Variants in ARHGEF7 observed in about 807,000 individuals in gnomAD.
ARHGEF7 encodes PAK-interacting exchange factor beta.
A neutral mutation model predicts 109.8 loss-of-function variants in ARHGEF7; 33 were observed. The ratio of observed to expected loss-of-function variants is 0.30; its 90% confidence interval spans 0.23 to 0.40. The LOEUF (loss-of-function observed/expected upper bound fraction) is 0.40. Ranked by LOEUF, ARHGEF7 falls within the 10% of genes least tolerant of loss-of-function variation. The probability of loss-of-function intolerance (pLI) is 1.00; values close to 1 mark genes in which losing one functional copy is unlikely to be tolerated. For synonymous variants in ARHGEF7, 458 were observed against 424.6 expected (o/e 1.08, Z -0.97); for missense variants, 938 against 1,098.5 (o/e 0.85, Z 2.07).
intron 2 of ARHGEF7, among the ~76,000 whole-genome samples, chr13:111,173,586 T>G (rs891197778): frequency 1.4e-4 from 21 of 152,226 alleles, no homozygotes; most frequent in African/African-American, 5.1e-4. Context: ...ATTGGAAGCC[T>G]GTGAAATTTC....
Position 111,136,162 on chromosome 13 carries a change from G to A in ARHGEF7, c.166-17743G>A, listed in dbSNP as rs568335042. On this transcript the variant is annotated intron_variant, in intron 1 of 21. Coordinates refer to ENST00000646102, the MANE Select transcript of ARHGEF7 (RefSeq NM_001354046.2). ...GGATGAAGCCCACTTGATCATGGTG[G>A]ATAAGCTTTTTGATGTGCTCCTGGA... 2.0e-5 allele frequency among the ~76,000 whole-genome samples: 3 copies of A among 152,248 alleles called. No individual in the cohort carries two copies. The South Asian group carries it at 6.2e-4, about 32-fold the overall frequency.
intron 2 of ARHGEF7, chr13:111,186,908 G>A (rs2079319428): frequency 2.0e-6 from 2 of 985,430 alleles, no homozygotes; most frequent in Admixed American, 6.1e-5. Context: ...CCCATTTCCC[G>A]GTCTGGTCTT....
At chr13:111,265,124 C>CAAAAAAAAAAA (rs976877106) in intron 8 of ARHGEF7, among the ~76,000 whole-genome samples, 2 of 69,464 alleles carry the variant, frequency 2.9e-5, no homozygotes, top group Admixed American at 1.7e-4. Flanking sequence ...AACTCCATCT[C>CAAAAAAAAAAA]AAAAAAAAAA....
intron 5 of ARHGEF7, among the ~76,000 whole-genome samples, chr13:111,224,207 C>G (rs928940356): frequency 7.2e-6 from 1 of 139,466 alleles, no homozygotes; most frequent in Non-Finnish European, 1.6e-5. Context: ...ACCCACCCAC[C>G]CACCCTCACT....
intron 5 of ARHGEF7, among the ~76,000 whole-genome samples, chr13:111,229,938 A>AT (rs1424272228): frequency 6.6e-6 from 1 of 152,034 alleles, no homozygotes; most frequent in Non-Finnish European, 1.5e-5. Flanking sequence ...GCTTCCAGAC[A>AT]TCTTTGCATC....
intron 1 of ARHGEF7, among the ~76,000 whole-genome samples, chr13:111,135,041 A>C (rs556441478): frequency 1.3e-5 from 2 of 152,306 alleles, no homozygotes; most frequent in South Asian, 4.2e-4. Flanking sequence ...TCCCAGCACC[A>C]TTTGTTAAAT....
At chr13:111,287,867 C>A (rs2093090689) in intron 17 of ARHGEF7, among the ~76,000 whole-genome samples, 1 of 152,252 alleles carries the variant, frequency 6.6e-6, no homozygotes, top group African/African-American at 2.4e-5. Flanking sequence ...CCACGGGCTG[C>A]CGTGTGGGGA....
rs566724421 is a variant in ARHGEF7 at position 111,253,768 on chromosome 13, T to C, written c.950+9474T>C. Reference sequence around the variant, plus strand: ...TTCCTGCTTGAGTGTTCTGGGTGCTTTCCCCACCCCGGGTCCCCAGCCTCC... The same window carrying C: ...TTCCTGCTTGAGTGTTCTGGGTGCTCTCCCCACCCCGGGTCCCCAGCCTCC... On this transcript the variant is annotated intron_variant, in intron 8 of 21. Transcript: ENST00000646102. 1.9e-4 allele frequency among the ~76,000 whole-genome samples: 29 copies of C among 152,260 alleles called. No individual in the cohort carries two copies. In the South Asian group the frequency reaches 5.6e-3, roughly 29 times the overall value.
chr13:111,303,054 C>G lies in ARHGEF7; in HGVS notation c.2530C>G (p.Leu844Val), dbSNP rs1310210646. The change falls in exon 22 of 22, where the codon CTG becomes GTG. Residue 844 changes from leucine (L) to valine (V), a missense_variant. Around this residue, in one of 4 missense-constraint regions of ARHGEF7, gnomAD observed 166 missense variants for 167.3 expected, o/e 0.99. Coordinates refer to ENST00000646102, the MANE Select transcript of ARHGEF7 (RefSeq NM_001354046.2). ...EQRARKDLEK[L>V]VRKVLKNMND... is the part of the protein sequence containing the mutation. The stretch of plus-strand genomic sequence containing the variant: ...GAGAGCCCGCAAAGACCTGGAGAAG[C>G]TGGTGAGGAAAGTCCTGAAGAACAT... The G allele has an allele frequency of 1.2e-6, 2 of 1,614,090 alleles. No individual in the cohort carries two copies. The highest frequency in any genetic ancestry group is 2.2e-5 in the East Asian group (1 of 44,880).
chr13:111,195,292 T>G (rs912229155), intron 2 of ARHGEF7, among the ~76,000 whole-genome samples: 1 of 152,200 alleles, frequency 6.6e-6, no homozygotes, highest in East Asian at 1.9e-4. Flanking sequence ...GTTCCCCATA[T>G]TCGTGTAGAT....
chr13:111,121,583 G>C (rs2067204573), intron 1 of ARHGEF7, among the ~76,000 whole-genome samples: 1 of 152,166 alleles, frequency 6.6e-6, no homozygotes, highest in Non-Finnish European at 1.5e-5. Context: ...TCTTGTGTAG[G>C]CTTGACGCCC....
chr13:111,226,758 G>T (rs1461859517), intron 5 of ARHGEF7, among the ~76,000 whole-genome samples: 1 of 152,186 alleles, frequency 6.6e-6, no homozygotes, highest in Non-Finnish European at 1.5e-5. Context: ...AGATTTTTGG[G>T]TCTTAGCATT....
intron 1 of ARHGEF7, among the ~76,000 whole-genome samples, chr13:111,123,959 C>T (rs984773580): frequency 6.8e-6 from 1 of 147,922 alleles, no homozygotes; most frequent in Non-Finnish European, 1.5e-5. Flanking sequence ...TGTTTCTTCT[C>T]CTTCTGAAAG....
chr13:111,282,381 CA>C, intron 15 of ARHGEF7, among the ~76,000 whole-genome samples: 1 of 152,296 alleles, frequency 6.6e-6, no homozygotes, highest in East Asian at 1.9e-4. Context: ...ATTTAACTGT[CA>C]TTGTGATGGA....
At chr13:111,173,805 G>T (rs895049861) in intron 2 of ARHGEF7, among the ~76,000 whole-genome samples, 12 of 152,096 alleles carry the variant, frequency 7.9e-5, no homozygotes, top group Admixed American at 2.0e-4. Flanking sequence ...GGGAGGTCAG[G>T]GGGTGGGTGG....
At chr13:111,292,961 TG>T in intron 19 of ARHGEF7, 7 of 985,830 alleles carry the variant, frequency 7.1e-6, no homozygotes, top group Non-Finnish European at 8.4e-6. Context: ...TGTGCTCTTC[TG>T]TGTGCTGCGT....
chr13:111,301,336 G>A, intron 20 of ARHGEF7, 142 bp from the exon 21 acceptor site: 2 of 655,742 alleles, frequency 3.0e-6, no homozygotes. Context: ...GCAGTTTTTA[G>A]TTGTGAATGT....
chr13:111,221,225 A>C (rs1198737684), intron 5 of ARHGEF7, among the ~76,000 whole-genome samples: 1 of 58,876 alleles, frequency 1.7e-5, no homozygotes, highest in Non-Finnish European at 3.3e-5. Flanking sequence ...GTCTATATAT[A>C]TCTATATAGA....
chr13:111,207,096 A>G (rs1264363721), intron 3 of ARHGEF7, among the ~76,000 whole-genome samples: 1 of 152,226 alleles, frequency 6.6e-6, no homozygotes, highest in East Asian at 1.9e-4. Flanking sequence ...GATGTACAGA[A>G]GTGGCATATT....
Sources: allele counts gnomAD v4.1 joint callset (sites outside exome capture counted in the v4.1 genomes callset), GRCh38; gene constraint gnomAD v4.1.1; regional missense constraint gnomAD v4.1.1; transcripts MANE v1.5; gene names NCBI Gene and HGNC (gene_info 2026-07-23, HGNC 2026-07-21).